Variants in IPO9 observed in about 807,000 individuals in gnomAD.
IPO9 encodes importin-9.
Under a neutral mutation model 128.6 loss-of-function variants are expected in IPO9, and 28 were observed. That is an observed-to-expected ratio of 0.22 (90% confidence interval 0.16 to 0.30). The LOEUF (loss-of-function observed/expected upper bound fraction) is 0.30, where lower values mean the gene tolerates loss of function less well. Ranked by LOEUF, IPO9 falls within the 10% of genes least tolerant of loss-of-function variation. IPO9 has a pLI of 1.00. For missense variants in IPO9, 935 were observed against 1,293.9 expected (o/e 0.72, Z 4.26); for synonymous variants, 455 against 475.8 (o/e 0.96, Z 0.57).
At chr1:201,863,754 C>G in intron 14 of IPO9, 147 bp downstream of exon 14, 2 of 678,092 alleles carry the variant, frequency 2.9e-6, no homozygotes, top group Non-Finnish European at 4.5e-6. Context: ...GGGAAAGAAA[C>G]CATGCTAGAG....
chr1:201,834,043 A>G (rs1679882118), intron 1 of IPO9, among the ~76,000 whole-genome samples: 1 of 151,942 alleles, frequency 6.6e-6, no homozygotes, highest in Non-Finnish European at 1.5e-5. Flanking sequence ...TAAAGTGCTG[A>G]GATTATAGGC....
chr1:201,852,032 C>A (rs2102876812), intron 4 of IPO9, 72 bp from the exon 5 acceptor site: 1 of 965,164 alleles, frequency 1.0e-6, no homozygotes, highest in South Asian at 1.4e-5. Flanking sequence ...AGAAGCAGTT[C>A]AGAAAATATC....
chr1:201,842,091 A>G (rs1680045503), intron 1 of IPO9, among the ~76,000 whole-genome samples: 1 of 151,984 alleles, frequency 6.6e-6, no homozygotes, highest in Non-Finnish European at 1.5e-5. Flanking sequence ...TCAGTCCCCA[A>G]AACTGCCCCC....
chr1:201,875,914 C>G, intron 23 of IPO9, 30 bp from the exon 24 acceptor site: 3 of 1,381,620 alleles, frequency 2.2e-6, no homozygotes, highest in South Asian at 1.2e-5. Context: ...TGCAATGTCT[C>G]ACTAATGCCA....
chr1:201,830,561 G>A (rs986519295), intron 1 of IPO9, among the ~76,000 whole-genome samples: 1 of 152,176 alleles, frequency 6.6e-6, no homozygotes, highest in African/African-American at 2.4e-5. Context: ...TAAAATATCA[G>A]ATCTATACAG....
chr1:201,882,354 C>A lies in IPO9; in HGVS notation c.*6300C>A, dbSNP rs1680898220. ...AGCTGAAGCAGGAGAATTGCTTGAA[C>A]CCGGGAGGCAGAGGTTGCAGTGAGC... On this transcript the variant is annotated 3_prime_UTR_variant, in exon 24 of 24. Coordinates refer to ENST00000361565, the MANE Select transcript of IPO9 (RefSeq NM_018085.5). The A allele has an allele frequency of 6.7e-6, 1 of 148,344 alleles. No homozygotes were observed. 9.2% of individuals were successfully genotyped at this position (148,344 alleles called of 1,614,324 possible). A position where few individuals can be genotyped will look rare whatever the true frequency, so the allele number is the denominator to read the frequency against.
chr1:201,858,383 C>T lies in IPO9; in HGVS notation c.1222-64C>T, dbSNP rs545229679. 8.2e-4 allele frequency: 669 copies of T among 817,870 alleles called. 2 individuals are homozygous for T. Among genetic ancestry groups the T allele is most frequent in the Middle Eastern group, 1.2e-3 (5 of 4,032 alleles). 50.7% of individuals were successfully genotyped at this position (817,870 alleles called of 1,614,324 possible). On this transcript the variant is annotated intron_variant, in intron 11 of 23. Coordinates refer to ENST00000361565, the MANE Select transcript of IPO9 (RefSeq NM_018085.5). ...TCACTTCTAACAGTCATGACTGAAG[C>T]GGTTTACAATTAAAATGCATTTAAT...
chr1:201,837,569 G>A (rs1679962085), intron 1 of IPO9, among the ~76,000 whole-genome samples: 1 of 152,108 alleles, frequency 6.6e-6, no homozygotes, highest in Non-Finnish European at 1.5e-5. Flanking sequence ...GTTCAGATTT[G>A]TTTAAGCTTA....
intron 1 of IPO9, among the ~76,000 whole-genome samples, chr1:201,845,324 A>G (rs759823530): frequency 6.6e-6 from 1 of 152,130 alleles, no homozygotes; most frequent in Non-Finnish European, 1.5e-5. Context: ...CCCTGATACC[A>G]ATATTCTTAT....
Position 201,847,363 on chromosome 1 carries a change from TATAA to T in IPO9, c.225+27_225+30del, listed in dbSNP as rs779508265. On this transcript the variant is annotated intron_variant, in intron 2 of 23. Transcript: ENST00000361565. ...CAGGTAAGTCCAGACTGGCCCAATT[TATAA>T]ATAGTTTCCCTTTCCTTGGTAATGA... 6 of 1,599,988 alleles carry T rather than the reference TATAA, an allele frequency of 3.8e-6. No homozygotes were observed. In the South Asian group the frequency reaches 4.4e-5, roughly 12 times the overall value.
In IPO9 at chr1:201,829,385, G is replaced by T; in HGVS notation, c.163+13G>T. 6.4e-7 allele frequency: 1 copy of T among 1,551,510 alleles called. No individual in the cohort carries two copies. Among genetic ancestry groups the T allele is most frequent in the Non-Finnish European group, 8.7e-7 (1 of 1,149,288 alleles). On this transcript the variant is annotated intron_variant, in intron 1 of 23. Transcript: ENST00000361565. ...GAGGTGACGGAGGGTGAGTGAGGCG[G>T]GACCGTCACGAGGATGGCTCAGCCG...
chr1:201,869,825 T>A, intron 17 of IPO9, 107 bp downstream of exon 17: 1 of 1,329,626 alleles, frequency 7.5e-7, no homozygotes, highest in Non-Finnish European at 1.0e-6. Flanking sequence ...TACGGAATTC[T>A]CAACTCCATA....
At position 201,883,612 on chromosome 1, in the gene IPO9, C is replaced by T. The variant is rs774405978; in HGVS notation, c.*7558C>T. 7.2e-5 allele frequency: 11 copies of T among 152,224 alleles called. No homozygotes were observed. Among genetic ancestry groups the T allele is most frequent in the Non-Finnish European group, 1.0e-4 (7 of 68,054 alleles). The allele number at this position is 152,224 out of a possible 1,614,324, so 9.4% of individuals were successfully genotyped here. On this transcript the variant is annotated 3_prime_UTR_variant, in exon 24 of 24. Transcript: ENST00000361565. ...CATGTATGAGCAGAACCTGTGCAGA[C>T]CAAGGCTTAGAGGGCTCACCTCAAT...
chr1:201,831,668 G>T (rs1679834767), intron 1 of IPO9, among the ~76,000 whole-genome samples: 1 of 152,090 alleles, frequency 6.6e-6, no homozygotes, highest in Admixed American at 6.5e-5. Flanking sequence ...TCTGAACATG[G>T]TGCAATATAG....
intron 1 of IPO9, among the ~76,000 whole-genome samples, chr1:201,829,869 A>G (rs1235857165): frequency 2.0e-5 from 3 of 152,234 alleles, no homozygotes; most frequent in Non-Finnish European, 4.4e-5. Context: ...CCTCTGAGTT[A>G]TAAACCTAGC....
intron 1 of IPO9, among the ~76,000 whole-genome samples, chr1:201,835,394 G>A (rs1200220257): frequency 6.6e-6 from 1 of 152,220 alleles, no homozygotes; most frequent in African/African-American, 2.4e-5. Context: ...GATAACGAGA[G>A]GGAAGCAAAA....
chr1:201,855,897 A>T lies in IPO9; in HGVS notation c.1085A>T (p.Tyr362Phe), dbSNP rs757562956. 2 of 1,611,532 alleles carry T rather than the reference A, an allele frequency of 1.2e-6. No homozygotes were observed. The highest frequency in any genetic ancestry group is 1.7e-6 in the Non-Finnish European group (2 of 1,179,322). The change falls in exon 10 of 24, where the codon TAT becomes TTT. Residue 362 changes from tyrosine (Y) to phenylalanine (F), a missense_variant. Tyr to Phe is a conservative substitution (Grantham distance 22). Transcript: ENST00000361565. The part of the protein sequence containing the change: ...TVKKALPELI[Y>F]YIILYMQITE... The stretch of plus-strand genomic sequence containing the variant: ...AAGAAAGCCTTGCCTGAATTGATTT[A>T]TTATATTATCCTGTACATGCAAATC...
chr1:201,831,924 CAG>C (rs1679841481), intron 1 of IPO9, among the ~76,000 whole-genome samples: 2 of 151,192 alleles, frequency 1.3e-5, no homozygotes, highest in African/African-American at 4.9e-5. Flanking sequence ...TGTTTTGAGA[CAG>C]AGTCTCAGTC....
intron 4 of IPO9, 103 bp downstream of exon 4, chr1:201,848,697 G>A (rs1680163440): frequency 2.7e-6 from 3 of 1,097,680 alleles, no homozygotes; most frequent in Non-Finnish European, 4.1e-6. Flanking sequence ...AGGAATTGCT[G>A]CTGATGTTAT....
Sources: allele counts gnomAD v4.1 joint callset (sites outside exome capture counted in the v4.1 genomes callset), GRCh38; gene constraint gnomAD v4.1.1; transcripts MANE v1.5; gene names NCBI Gene and HGNC (gene_info 2026-07-23, HGNC 2026-07-21).